Variants in FAM78B observed in about 807,000 individuals in gnomAD.
FAM78B encodes family with sequence similarity 78 member B.
FAM78B carries 10 observed loss-of-function variants against 20.0 expected under a neutral mutation model. That is an observed-to-expected ratio of 0.50 (90% CI 0.31 to 0.85). FAM78B has a LOEUF of 0.85. Ranked by LOEUF, FAM78B falls within the 40% of genes least tolerant of loss-of-function variation. FAM78B has a pLI of 0.05. For missense variants in FAM78B, 283 were observed against 345.0 expected, an observed-to-expected ratio of 0.82 and a Z score of 1.42; for synonymous variants, 135 against 132.8, an observed-to-expected ratio of 1.02 and a Z score of -0.12.
exon 3 of FAM78B, chr1:166,058,440 T>C (rs1450042436): frequency 2.6e-5 from 4 of 151,908 alleles, no homozygotes; most frequent in Admixed American, 6.6e-5. Flanking sequence ...GGAAATTACT[T>C]AGATGGAGGA....
At chr1:166,125,420 G>C (rs1279079175) in intron 1 of FAM78B, among the ~76,000 whole-genome samples, 1 of 152,140 alleles carries the variant, frequency 6.6e-6, no homozygotes, top group Non-Finnish European at 1.5e-5. Context: ...CAATCATTAT[G>C]GCCAGTCATT....
intron 1 of FAM78B, among the ~76,000 whole-genome samples, chr1:166,098,495 C>T (rs1191668208): frequency 6.6e-6 from 1 of 151,816 alleles, no homozygotes; most frequent in Non-Finnish European, 1.5e-5. Context: ...CAAAATATGA[C>T]ACAAAAAGTG....
At chr1:166,142,715 C>T (rs957964235) in intron 1 of FAM78B, among the ~76,000 whole-genome samples, 4 of 152,156 alleles carry the variant, frequency 2.6e-5, no homozygotes, top group Non-Finnish European at 5.9e-5. Context: ...ACCACTGTAG[C>T]ACATAAAAGG....
intron 1 of FAM78B, among the ~76,000 whole-genome samples, chr1:166,145,140 G>T (rs540789787): frequency 6.6e-6 from 1 of 152,240 alleles, no homozygotes; most frequent in African/African-American, 2.4e-5. Context: ...TGTACCAACT[G>T]GTTGGCCCTG....
chr1:166,139,070 AT>A (rs1348923397), intron 1 of FAM78B, among the ~76,000 whole-genome samples: 2 of 152,208 alleles, frequency 1.3e-5, no homozygotes, highest in Non-Finnish European at 2.9e-5. Flanking sequence ...GTACTCCAGA[AT>A]TACAAAGCAG....
At chr1:166,102,106 A>G (rs1653552337) in intron 1 of FAM78B, among the ~76,000 whole-genome samples, 1 of 152,202 alleles carries the variant, frequency 6.6e-6, no homozygotes, top group Non-Finnish European at 1.5e-5. Flanking sequence ...ATCCAGCCAA[A>G]CTAAGCTTCA....
intron 1 of FAM78B, among the ~76,000 whole-genome samples, chr1:166,158,409 C>G (rs530506694): frequency 7.3e-4 from 111 of 152,270 alleles, no homozygotes; most frequent in South Asian, 1.5e-3. Flanking sequence ...TGGCACGGCT[C>G]CTTGCTGGCC....
At chr1:166,160,017 A>T (rs972773468) in intron 1 of FAM78B, among the ~76,000 whole-genome samples, 11 of 152,180 alleles carry the variant, frequency 7.2e-5, no homozygotes, top group Admixed American at 6.5e-5. Context: ...TTCTGCTGAG[A>T]AGCAGTTCTG....
chr1:166,089,600 T>G (rs575992221), intron 1 of FAM78B, among the ~76,000 whole-genome samples: 255 of 151,750 alleles, frequency 1.7e-3, no homozygotes, highest in Non-Finnish European at 2.8e-3. Context: ...AAGCATGGCC[T>G]GTTTTGAGGC....
intron 1 of FAM78B, among the ~76,000 whole-genome samples, chr1:166,119,748 ATAAGTGGT>A (rs1429441568): frequency 2.6e-5 from 4 of 152,250 alleles, no homozygotes; most frequent in African/African-American, 4.8e-5. Flanking sequence ...CAGTTCTAAC[ATAAGTGGT>A]CAAAAGAATA....
Position 166,109,890 on chromosome 1 carries a change from G to GTATGTATATATATA in FAM78B, c.264-39128_264-39127insTATATATATACATA, listed in dbSNP as rs1433152486. On this transcript the variant is annotated intron_variant, in intron 1 of 1. Coordinates refer to ENST00000354422, the MANE Select transcript of FAM78B (RefSeq NM_001017961.5). ...TGTGTATATATATATATGTATATAT[G>GTATGTATATATATA]TATATATATATATATATATATATAT... Among the ~76,000 whole-genome samples the GTATGTATATATATA allele has an allele frequency of 6.9e-4, 16 of 23,170 alleles. 1 individual carries two copies. Among genetic ancestry groups the GTATGTATATATATA allele is most frequent in the Non-Finnish European group, 1.5e-3 (13 of 8,756 alleles). The allele number at this position is 23,170 out of a possible 152,430, so 15.2% of individuals were successfully genotyped here.
intron 1 of FAM78B, among the ~76,000 whole-genome samples, chr1:166,109,816 A>G (rs12090856): frequency 0.13 from 3,561 of 27,270 alleles, 474 homozygotes; most frequent in African/African-American, 0.29. Context: ...GTATATATGT[A>G]TATATATATA....
At chr1:166,118,221 A>G (rs967761389) in intron 1 of FAM78B, among the ~76,000 whole-genome samples, 1 of 152,180 alleles carries the variant, frequency 6.6e-6, no homozygotes, top group African/African-American at 2.4e-5. Context: ...CTTAGATGAC[A>G]GGCTCTTTGC....
At position 166,165,845 on chromosome 1, in the gene FAM78B, G is replaced by A. The variant is rs1029714125; in HGVS notation, c.263+141C>T. The A allele has an allele frequency of 4.4e-6, 4 of 917,408 alleles. No individual in the cohort carries two copies. The Admixed American group carries it at 7.2e-5, about 16-fold the overall frequency. The allele number at this position is 917,408 out of a possible 1,614,324, so 56.8% of individuals were successfully genotyped here. A position where few individuals can be genotyped will look rare whatever the true frequency, so the allele number is the denominator to read the frequency against. On this transcript the variant is annotated intron_variant, in intron 1 of 1. Coordinates refer to ENST00000354422, the MANE Select transcript of FAM78B (RefSeq NM_001017961.5). Reference sequence around the variant, plus strand: ...CACTGAAACAAAAGCGTAGGGAGGAGGGAGGTGGGAGAGGAGGCGGGAGGA... The same window carrying A: ...CACTGAAACAAAAGCGTAGGGAGGAAGGAGGTGGGAGAGGAGGCGGGAGGA...
At chr1:166,086,342 A>G (rs376102972) in intron 1 of FAM78B, among the ~76,000 whole-genome samples, 4 of 152,262 alleles carry the variant, frequency 2.6e-5, no homozygotes, top group African/African-American at 9.6e-5. Context: ...TCCCCAAAGA[A>G]AGCACAGTGG....
At chr1:166,153,471 C>T (rs1451116285) in intron 1 of FAM78B, among the ~76,000 whole-genome samples, 1 of 152,334 alleles carries the variant, frequency 6.6e-6, no homozygotes, top group Non-Finnish European at 1.5e-5. Context: ...AATCAGGCAG[C>T]AGGGCCAATC....
intron 1 of FAM78B, among the ~76,000 whole-genome samples, chr1:166,111,495 T>C (rs1319529719): frequency 6.6e-6 from 1 of 152,254 alleles, no homozygotes; most frequent in Non-Finnish European, 1.5e-5. Flanking sequence ...ACACATTGAC[T>C]GTGATTCGCA....
chr1:166,092,255 A>G (rs1180279742), intron 1 of FAM78B, among the ~76,000 whole-genome samples: 1 of 152,220 alleles, frequency 6.6e-6, no homozygotes, highest in Non-Finnish European at 1.5e-5. Context: ...TGTGGAGAAT[A>G]AAAAGTGTGG....
At chr1:166,134,070 A>G (rs1477212317) in intron 1 of FAM78B, among the ~76,000 whole-genome samples, 1 of 152,128 alleles carries the variant, frequency 6.6e-6, no homozygotes, top group East Asian at 1.9e-4. Flanking sequence ...AGAGAAAAGA[A>G]AGTTTGGGGG....
Sources: allele counts gnomAD v4.1 joint callset (sites outside exome capture counted in the v4.1 genomes callset), GRCh38; gene constraint gnomAD v4.1.1; transcripts MANE v1.5; gene names NCBI Gene and HGNC (gene_info 2026-07-23, HGNC 2026-07-21).